IQCB1: variants seen among roughly 807,000 people sequenced by gnomAD.
IQCB1 encodes the protein IQ calmodulin-binding motif-containing protein 1.
Under a neutral mutation model 84.4 loss-of-function variants are expected in IQCB1, and 56 were observed. The ratio of observed to expected loss-of-function variants is 0.66; its 90% CI spans 0.54 to 0.83. The LOEUF is 0.83. Ranked by LOEUF, IQCB1 falls within the 40% of genes least tolerant of loss-of-function variation. The probability of loss-of-function intolerance (pLI) is 0.00; values close to 1 mark genes in which losing one functional copy is unlikely to be tolerated. For synonymous variants in IQCB1, 210 were observed against 234.8 expected (o/e 0.89, Z 0.96); for missense variants, 629 against 682.1 (o/e 0.92, Z 0.87).
intron 10 of IQCB1, 111 bp from the exon 11 acceptor site, chr3:121,790,326 T>C (rs1948916091): frequency 1.1e-6 from 1 of 927,630 alleles, no homozygotes; most frequent in African/African-American, 1.7e-5. Flanking sequence ...AGATAATTTC[T>C]AGTGTTAATA....
chr3:121,797,479 T>C (rs1349410442), intron 8 of IQCB1, among the ~76,000 whole-genome samples: 2 of 124,248 alleles, frequency 1.6e-5, no homozygotes. Flanking sequence ...GTCTAGACAA[T>C]CTCTTTAATA....
intron 10 of IQCB1, 46 bp from the exon 11 acceptor site, chr3:121,790,261 GA>G (rs1559765824): frequency 1.9e-6 from 3 of 1,558,896 alleles, no homozygotes; most frequent in Admixed American, 1.7e-5. Context: ...TAAATCATAT[GA>G]AAAAATGCAT....
At position 121,789,602 on chromosome 3, in the gene IQCB1, A is replaced by G. The variant is rs187019797; in HGVS notation, c.1129+471T>C. ...ATTGAATAACAAGAAGACAGGTAAA[A>G]TAATTTGAAGATAATATTGAAACCA... On this transcript the variant is annotated intron_variant, in intron 11 of 14. Transcript: ENST00000310864. Among the ~76,000 whole-genome samples the G allele has an allele frequency of 3.0e-3, 456 of 152,340 alleles. 3 individuals carry two copies. The highest frequency in any genetic ancestry group is 0.014 in the Middle Eastern group (4 of 294).
intron 4 of IQCB1, among the ~76,000 whole-genome samples, chr3:121,827,822 C>T (rs1161765560): frequency 6.6e-6 from 1 of 152,098 alleles, no homozygotes; most frequent in Admixed American, 6.5e-5. Flanking sequence ...AGTAAATACA[C>T]ACTTTCACTT....
intron 5 of IQCB1, among the ~76,000 whole-genome samples, chr3:121,811,605 T>C (rs1175642860): frequency 1.3e-5 from 2 of 152,170 alleles, no homozygotes; most frequent in African/African-American, 4.8e-5. Flanking sequence ...CCACCATTAC[T>C]GAGGCTTGAG....
In IQCB1 at chr3:121,770,544, T is replaced by C. The variant is rs367675762; in HGVS notation, c.1598A>G (p.Lys533Arg). 3 of 1,614,024 alleles carry C rather than the reference T, an allele frequency of 1.9e-6. No homozygotes were observed. The highest frequency in any genetic ancestry group is 1.3e-5 in the African/African-American group (1 of 75,036). The change falls in exon 15 of 15, where the codon AAA becomes AGA. Residue 533 changes from lysine (K) to arginine (R), a missense_variant. Transcript: ENST00000310864. The stretch of plus-strand genomic sequence containing the variant: ...TCTACTTAGGAAGAGCTCAGGTTCT[T>C]TCCCTTCTGCCTCCTTCAGACTTGG... ...KAPSLKEAEG[K>R]EPELFLSRSR...
At position 121,828,966 on chromosome 3, in the gene IQCB1, T is replaced by A. The variant is rs772784865; in HGVS notation, c.-6A>T. The A allele has an allele frequency of 7.7e-6, 12 of 1,553,994 alleles. No homozygotes were observed. In the South Asian group the frequency reaches 1.3e-4, roughly 17 times the overall value. Reference sequence around the variant, plus strand: ...TCTGTACCTGTTGGCTTCATTTCTCTTATTACCTATATTTTAACAGAATCA... The same window carrying A: ...TCTGTACCTGTTGGCTTCATTTCTCATATTACCTATATTTTAACAGAATCA... On this transcript the variant is annotated 5_prime_UTR_variant, in exon 3 of 15. It adds an upstream start codon to the 5' untranslated region. Coordinates refer to ENST00000310864, the MANE Select transcript of IQCB1 (RefSeq NM_001023570.4).
In IQCB1 at chr3:121,812,832, T is replaced by C. The variant is rs373928761; in HGVS notation, c.394-3823A>G. 2.0e-5 allele frequency among the ~76,000 whole-genome samples: 3 copies of C among 152,274 alleles called. No homozygotes were observed. The East Asian group carries it at 5.8e-4, about 29-fold the overall frequency. On this transcript the variant is annotated intron_variant, in intron 5 of 14. Coordinates refer to ENST00000310864, the MANE Select transcript of IQCB1 (RefSeq NM_001023570.4). ...AGGTGATGGGGAGAATGGAACCAAG[T>C]TGGAAAACACTTCAGGATATTATCC...
Position 121,819,081 on chromosome 3 carries a change from T to C in IQCB1, c.393+6970A>G, listed in dbSNP as rs550394543. Among the ~76,000 whole-genome samples, 6 of 152,274 alleles carry C rather than the reference T, an allele frequency of 3.9e-5. No homozygotes were observed. The East Asian group carries it at 1.2e-3, about 29-fold the overall frequency. On this transcript the variant is annotated intron_variant, in intron 5 of 14. Coordinates refer to ENST00000310864, the MANE Select transcript of IQCB1 (RefSeq NM_001023570.4). ...CTAGGGGGTCAAGGGGAAGGATGTT[T>C]TGGGGATGATTCAAGCCCATTACAT...
intron 10 of IQCB1, among the ~76,000 whole-genome samples, chr3:121,792,333 G>A (rs1285465010): frequency 1.3e-5 from 2 of 151,976 alleles, no homozygotes; most frequent in African/African-American, 4.8e-5. Flanking sequence ...GCATGAAGGT[G>A]GAAGTAAAGT....
chr3:121,828,390 G>A (rs1015789052), intron 4 of IQCB1, 80 bp downstream of exon 4: 4 of 1,267,964 alleles, frequency 3.2e-6, no homozygotes, highest in African/African-American at 1.5e-5. Context: ...TTGTTAGGCA[G>A]ATAAATAAAA....
intron 5 of IQCB1, among the ~76,000 whole-genome samples, chr3:121,825,298 G>A (rs1311104832): frequency 6.6e-6 from 1 of 152,064 alleles, no homozygotes; most frequent in African/African-American, 2.4e-5. Context: ...AACCTCAGGT[G>A]ATCCGCCCGC....
intron 2 of IQCB1, among the ~76,000 whole-genome samples, chr3:121,830,773 C>G (rs909632028): frequency 6.6e-6 from 1 of 152,198 alleles, no homozygotes; most frequent in African/African-American, 2.4e-5. Context: ...AAGCAGAACT[C>G]TAATCATCCC....
Position 121,808,972 on chromosome 3 carries a change from A to G in IQCB1, c.431T>C (p.Ile144Thr). The change falls in exon 6 of 15, where the codon ATT becomes ACT. Residue 144 changes from isoleucine (I) to threonine (T), a missense_variant. By Grantham distance (89) the Ile-to-Thr change is moderately conservative. Transcript: ENST00000310864. ...EKDELLHFFQIVTDSLFWLLG... is the reference protein window; with the variant it reads ...EKDELLHFFQTVTDSLFWLLG... ...AAGCCAGAAGAGAGAATCAGTCACA[A>G]TTTGGAAAAAGTGTAGTAATTCATC... The G allele has an allele frequency of 6.2e-7, 1 of 1,610,642 alleles. No homozygotes were observed. The highest frequency in any genetic ancestry group is 8.5e-7 in the Non-Finnish European group (1 of 1,177,242).
intron 5 of IQCB1, among the ~76,000 whole-genome samples, chr3:121,813,124 T>C (rs999713343): frequency 6.6e-6 from 1 of 152,250 alleles, no homozygotes; most frequent in Non-Finnish European, 1.5e-5. Flanking sequence ...TCTACACTCT[T>C]AAAGAAAATA....
At chr3:121,779,741 TGA>T (rs1948393236) in intron 13 of IQCB1, among the ~76,000 whole-genome samples, 1 of 152,366 alleles carries the variant, frequency 6.6e-6, no homozygotes, top group Non-Finnish European at 1.5e-5. Flanking sequence ...CTTAAAATTT[TGA>T]GTCTTTTTTT....
intron 5 of IQCB1, among the ~76,000 whole-genome samples, chr3:121,823,791 T>C (rs1950355984): frequency 6.6e-6 from 1 of 152,158 alleles, no homozygotes; most frequent in Non-Finnish European, 1.5e-5. Context: ...CAACCAGACA[T>C]AGTAGATATA....
At chr3:121,775,986 T>C (rs1948208691) in intron 13 of IQCB1, among the ~76,000 whole-genome samples, 1 of 152,206 alleles carries the variant, frequency 6.6e-6, no homozygotes, top group South Asian at 2.1e-4. Flanking sequence ...TCATAAAGAA[T>C]GTATTCTACT....
chr3:121,789,509 T>A (rs1948870919), intron 11 of IQCB1, among the ~76,000 whole-genome samples: 1 of 152,098 alleles, frequency 6.6e-6, no homozygotes, highest in African/African-American at 2.4e-5. Flanking sequence ...AAGGTGAGGA[T>A]GGAACCCTAG....
Sources: gnomAD v4.1 joint callset for allele counts (sites outside exome capture counted in the v4.1 genomes callset) on GRCh38, gnomAD v4.1.1 for gene constraint, MANE v1.5 for transcripts, NCBI Gene and HGNC (gene_info 2026-07-23, HGNC 2026-07-21) for gene names.